CEP57L1: variants seen among roughly 807,000 people sequenced by gnomAD.
The protein encoded by CEP57L1 is centrosomal protein CEP57L1.
Under a neutral mutation model 61.0 loss-of-function variants are expected in CEP57L1, and 37 were observed. The ratio of observed to expected loss-of-function variants is 0.61; its 90% CI spans 0.47 to 0.80. CEP57L1 has a LOEUF of 0.80. Ranked by LOEUF, CEP57L1 falls within the 30% of genes least tolerant of loss-of-function variation. CEP57L1 has a pLI of 0.00. For synonymous variants in CEP57L1, 137 were observed against 162.3 expected (o/e 0.84, Z 1.19); for missense variants, 422 against 524.7 (o/e 0.80, Z 1.91).
At chr6:109,117,692 A>G (rs531303247) in intron 1 of CEP57L1, among the ~76,000 whole-genome samples, 48 of 152,348 alleles carry the variant, frequency 3.2e-4, no homozygotes, top group African/African-American at 1.1e-3. Flanking sequence ...TGAAATGGAA[A>G]GGAATTAGGA....
intron 2 of CEP57L1, 81 bp from the exon 3 acceptor site, chr6:109,146,677 T>A: frequency 2.1e-6 from 2 of 947,666 alleles, no homozygotes; most frequent in Non-Finnish European, 3.0e-6. Context: ...AAAAATATAC[T>A]GCTTATTTTT....
At chr6:109,147,693 CT>C (rs1247453492) in intron 3 of CEP57L1, among the ~76,000 whole-genome samples, 5 of 152,174 alleles carry the variant, frequency 3.3e-5, no homozygotes, top group Admixed American at 3.3e-4. Context: ...GTGGAATTAA[CT>C]GTTCTGCCAG....
chr6:109,141,603 CTT>C (rs1174703599), intron 1 of CEP57L1, among the ~76,000 whole-genome samples: 2 of 151,942 alleles, frequency 1.3e-5, no homozygotes, highest in African/African-American at 4.8e-5. Context: ...ATTGTCACAT[CTT>C]AACATTTTGG....
rs1418791624 is a variant in CEP57L1 at position 109,169,307 on chromosome 6, G to C, written c.*6337G>C. Among the ~76,000 whole-genome samples, 1 of 151,738 alleles carries C rather than the reference G, an allele frequency of 6.6e-6. No homozygotes were observed. Among genetic ancestry groups the C allele is most frequent in the Non-Finnish European group, 1.5e-5 (1 of 67,960 alleles). ...ATGTTTTGTGAAACTTTGTGAGTAC[G>C]GGTTGTCATTTTTAATGTAGCCCTA... is the stretch of plus-strand genomic sequence containing the variant. On this transcript the variant is annotated 3_prime_UTR_variant, in exon 11 of 11. Transcript: ENST00000517392.
chr6:109,153,652 CA>C (rs1340667234), intron 4 of CEP57L1, among the ~76,000 whole-genome samples, 180 bp from the exon 5 acceptor site: 2 of 151,076 alleles, frequency 1.3e-5, no homozygotes, highest in Admixed American at 6.6e-5. Context: ...AAATAAATAA[CA>C]AAAAGTATTT....
At chr6:109,134,000 C>G (rs1342688405) in intron 1 of CEP57L1, among the ~76,000 whole-genome samples, 1 of 152,168 alleles carries the variant, frequency 6.6e-6, no homozygotes, top group Non-Finnish European at 1.5e-5. Context: ...GGAGCTGGTA[C>G]CATTCCTTCT....
At chr6:109,152,789 A>T (rs1039809076) in intron 4 of CEP57L1, among the ~76,000 whole-genome samples, 4 of 151,898 alleles carry the variant, frequency 2.6e-5, no homozygotes, top group African/African-American at 9.7e-5. Flanking sequence ...TGTAAATAAC[A>T]CTATTTAATA....
Position 109,130,057 on chromosome 6 carries a change from G to A in CEP57L1, c.-3-15162G>A, listed in dbSNP as rs114984367. ...ATCAGAGAGTGTTAATCTCTCCTTT[G>A]TGTTCCCATGGCTTTCTGCATATGC... On this transcript the variant is annotated intron_variant, in intron 1 of 10. Transcript: ENST00000517392. 8.3e-3 allele frequency among the ~76,000 whole-genome samples: 1,262 copies of A among 152,144 alleles called. 24 individuals are homozygous for A. Among genetic ancestry groups the A allele is most frequent in the African/African-American group, 0.029 (1,211 of 41,490 alleles).
chr6:109,168,997 G>A lies in CEP57L1; in HGVS notation c.*6027G>A, dbSNP rs915068967. 6.6e-6 allele frequency among the ~76,000 whole-genome samples: 1 copy of A among 151,284 alleles called. No individual in the cohort carries two copies. The highest frequency in any genetic ancestry group is 2.0e-4 in the East Asian group (1 of 5,090). On this transcript the variant is annotated 3_prime_UTR_variant, in exon 11 of 11. Coordinates refer to ENST00000517392, the MANE Select transcript of CEP57L1 (RefSeq NM_001271852.3). ...TCTTAACACTTTAGGAGGCCGAGGC[G>A]GGCAGATTGCCTGAGCTCAGGAGTT...
rs1249852613 is a variant in CEP57L1 at position 109,171,339 on chromosome 6, A to G, written c.*8369A>G. On this transcript the variant is annotated 3_prime_UTR_variant, in exon 11 of 11. Coordinates refer to ENST00000517392, the MANE Select transcript of CEP57L1 (RefSeq NM_001271852.3). ...CTGCAACCTCCGCCTCCCAGGTTCA[A>G]GCGATTCTTCTGCCTCAGCCTCCCA... is the stretch of plus-strand genomic sequence containing the variant. 6.6e-6 allele frequency among the ~76,000 whole-genome samples: 1 copy of G among 151,482 alleles called. No individual in the cohort carries two copies. Among genetic ancestry groups the G allele is most frequent in the Non-Finnish European group, 1.5e-5 (1 of 67,932 alleles).
rs1771173085 is a variant in CEP57L1, at chr6:109,140,010, T to C, written c.-3-5209T>C. On this transcript the variant is annotated intron_variant, in intron 1 of 10. Coordinates refer to ENST00000517392, the MANE Select transcript of CEP57L1 (RefSeq NM_001271852.3). ...TAGTAGTAAGTGGCAGATTCAGGAT[T>C]TGAATTGAGGTCCAGCTGCAAAGGC... Among the ~76,000 whole-genome samples the C allele has an allele frequency of 2.0e-5, 3 of 152,194 alleles. No homozygotes were observed. The South Asian group carries it at 6.2e-4, about 31-fold the overall frequency.
intron 1 of CEP57L1, among the ~76,000 whole-genome samples, chr6:109,101,942 A>G (rs1782482770): frequency 6.6e-6 from 1 of 152,192 alleles, no homozygotes. Context: ...TCAAAGCAGC[A>G]GTACCATTTT....
At chr6:109,154,495 G>T (rs1358236328) in intron 5 of CEP57L1, among the ~76,000 whole-genome samples, 1 of 152,004 alleles carries the variant, frequency 6.6e-6, no homozygotes, top group Non-Finnish European at 1.5e-5. Flanking sequence ...TTGCTTTGTT[G>T]TTTTGTTGTT....
chr6:109,102,679 G>T (rs1434036210), intron 1 of CEP57L1, among the ~76,000 whole-genome samples: 1 of 151,888 alleles, frequency 6.6e-6, no homozygotes, highest in Non-Finnish European at 1.5e-5. Flanking sequence ...TATAAGGTCT[G>T]TGCCTAGATT....
rs1774001327 is a variant in CEP57L1 at position 109,165,011 on chromosome 6, G to A, written c.*2041G>A. Among the ~76,000 whole-genome samples, 1 of 151,514 alleles carries A rather than the reference G, an allele frequency of 6.6e-6. No homozygotes were observed. The highest frequency in any genetic ancestry group is 2.1e-4 in the South Asian group (1 of 4,798). The stretch of plus-strand genomic sequence containing the variant: ...GGGAATCGCTTGAACCTGGGAGATG[G>A]AGGTTGCAGTGAGCTGAGATCTCAC... On this transcript the variant is annotated 3_prime_UTR_variant, in exon 11 of 11. Transcript: ENST00000517392.
At chr6:109,129,773 ACTTAT>A (rs1773972864) in intron 1 of CEP57L1, among the ~76,000 whole-genome samples, 2 of 151,778 alleles carry the variant, frequency 1.3e-5, no homozygotes, top group African/African-American at 2.4e-5. Context: ...TGTCACCTCT[ACTTAT>A]CTTTCTCTTC....
chr6:109,155,903 A>G, intron 7 of CEP57L1, 26 bp downstream of exon 7: 1 of 1,087,396 alleles, frequency 9.2e-7, no homozygotes, highest in South Asian at 1.3e-5. Flanking sequence ...TTTTTCCCAA[A>G]CAAAAATACT....
intron 4 of CEP57L1, among the ~76,000 whole-genome samples, chr6:109,153,591 A>G (rs970644556): frequency 6.7e-6 from 1 of 150,204 alleles, no homozygotes; most frequent in South Asian, 2.1e-4. Flanking sequence ...TGATTTTCAG[A>G]AAAAAAAAAT....
At chr6:109,135,080 A>G (rs1168507332) in intron 1 of CEP57L1, among the ~76,000 whole-genome samples, 1 of 152,092 alleles carries the variant, frequency 6.6e-6, no homozygotes, top group African/African-American at 2.4e-5. Flanking sequence ...GTTCATATGG[A>G]ACCAAAAAAG....
Sources: allele counts gnomAD v4.1 joint callset (sites outside exome capture counted in the v4.1 genomes callset), GRCh38; gene constraint gnomAD v4.1.1; transcripts MANE v1.5; gene names NCBI Gene and HGNC (gene_info 2026-07-23, HGNC 2026-07-21).